ZNF423: variants seen among roughly 807,000 people sequenced by gnomAD.
ZNF423 encodes Ebf-associated zinc finger protein.
ZNF423 carries 12 observed loss-of-function variants against 95.8 expected under a neutral mutation model. The observed-to-expected ratio is 0.13, with a 90% confidence interval of 0.08 to 0.20. The LOEUF (loss-of-function observed/expected upper bound fraction) is 0.20, where lower values mean the gene tolerates loss of function less well. Among genes scored for constraint, ZNF423 ranks in the 10% least tolerant of loss-of-function variants. The pLI is 1.00. For missense variants in ZNF423, 1,316 were observed against 1,737.1 expected (o/e 0.76, Z 4.31); for synonymous variants, 749 against 711.9 (o/e 1.05, Z -0.83).
intron 3 of ZNF423, among the ~76,000 whole-genome samples, chr16:49,671,621 C>T (rs2030813455): frequency 6.6e-6 from 1 of 152,196 alleles, no homozygotes; most frequent in African/African-American, 2.4e-5. Context: ...GGTGATGGCT[C>T]CACCTAATGT....
At chr16:49,775,159 A>T (rs2034100463) in intron 2 of ZNF423, among the ~76,000 whole-genome samples, 1 of 152,110 alleles carries the variant, frequency 6.6e-6, no homozygotes, top group Non-Finnish European at 1.5e-5. Context: ...TGAAGAAGGA[A>T]CTCTAAGAAA....
intron 3 of ZNF423, 135 bp from the exon 4 acceptor site, chr16:49,639,009 GGCAGGGGCCGGAA>G (rs1298595458): frequency 7.0e-7 from 1 of 1,438,520 alleles, no homozygotes; most frequent in African/African-American, 1.4e-5. Context: ...TGTGGGGAGG[GGCAGGGGCCGGAA>G]GCAAGTGGAC....
chr16:49,605,626 A>G (rs553920324), intron 5 of ZNF423, among the ~76,000 whole-genome samples: 35 of 152,188 alleles, frequency 2.3e-4, no homozygotes, highest in South Asian at 8.3e-4. Flanking sequence ...GAGAATTAAA[A>G]TACTATTTTT....
intron 3 of ZNF423, among the ~76,000 whole-genome samples, chr16:49,646,380 C>T (rs1973168449): frequency 6.6e-6 from 1 of 152,110 alleles, no homozygotes; most frequent in African/African-American, 2.4e-5. Flanking sequence ...GATGCCAGAA[C>T]TAGCCATCCA....
chr16:49,691,903 C>G (rs2031796744), intron 3 of ZNF423, among the ~76,000 whole-genome samples: 1 of 152,020 alleles, frequency 6.6e-6, no homozygotes, highest in Non-Finnish European at 1.5e-5. Context: ...GCTGTGGCCC[C>G]CTATCCCTAC....
chr16:49,685,199 C>T (rs2031517886), intron 3 of ZNF423, among the ~76,000 whole-genome samples: 1 of 152,184 alleles, frequency 6.6e-6, no homozygotes, highest in Admixed American at 6.5e-5. Context: ...GAGGAGGAGG[C>T]AGCCCAGGGC....
intron 1 of ZNF423, among the ~76,000 whole-genome samples, chr16:49,799,068 G>A (rs1330927451): frequency 2.0e-5 from 3 of 152,292 alleles, no homozygotes; most frequent in African/African-American, 7.2e-5. Context: ...ATGTAGGGGT[G>A]TGGGAAGTGG....
At chr16:49,831,540 C>T (rs1320470640) in intron 1 of ZNF423, among the ~76,000 whole-genome samples, 2 of 152,150 alleles carry the variant, frequency 1.3e-5, no homozygotes, top group Non-Finnish European at 1.5e-5. Flanking sequence ...GCTGTGAGAA[C>T]AGCATGAGAC....
intron 1 of ZNF423, among the ~76,000 whole-genome samples, chr16:49,793,556 C>T (rs1183281989): frequency 6.6e-6 from 1 of 152,206 alleles, no homozygotes; most frequent in Non-Finnish European, 1.5e-5. Flanking sequence ...CCCACCCTAC[C>T]CCACTTCAAG....
chr16:49,661,102 T>A (rs943375052), intron 3 of ZNF423, among the ~76,000 whole-genome samples: 4 of 151,324 alleles, frequency 2.6e-5, no homozygotes, highest in African/African-American at 9.7e-5. Flanking sequence ...GCGCCTGTAA[T>A]CCCAGCTACT....
chr16:49,593,438 A>C (rs1217009699), intron 5 of ZNF423, among the ~76,000 whole-genome samples: 1 of 151,968 alleles, frequency 6.6e-6, no homozygotes, highest in Non-Finnish European at 1.5e-5. Context: ...TTGTCTCAAA[A>C]AAAAAAAAAT....
intron 7 of ZNF423, among the ~76,000 whole-genome samples, chr16:49,507,570 G>A (rs1967695732): frequency 6.6e-6 from 1 of 152,214 alleles, no homozygotes; most frequent in Non-Finnish European, 1.5e-5. Context: ...TGTGCAGGAA[G>A]CAGAGAGCCT....
chr16:49,635,802 C>A lies in ZNF423; in HGVS notation c.3374G>T (p.Cys1125Phe). Reference sequence around the variant, plus strand: ...GCACTCGGGGCAACGGAGGCCGGCACAGGGCCGGTCGGCGGGCTCGGGCGG... The same window carrying A: ...GCACTCGGGGCAACGGAGGCCGGCAAAGGGCCGGTCGGCGGGCTCGGGCGG... Reference protein sequence around the residue: ...LAPPEPADRPCAGLRCPECSV... With the variant: ...LAPPEPADRPFAGLRCPECSV... The change falls in exon 4 of 8, where the codon TGT becomes TTT. Residue 1125 changes from cysteine to phenylalanine, a missense_variant. Cys to Phe is a radical substitution (Grantham distance 205). Transcript: ENST00000563137. The surrounding 1 kb of genome is among the most constrained non-coding windows in gnomAD (Gnocchi z 4.8). 2 of 1,611,470 alleles carry A rather than the reference C, an allele frequency of 1.2e-6. No individual in the cohort carries two copies. Among genetic ancestry groups the A allele is most frequent in the Non-Finnish European group, 1.7e-6 (2 of 1,179,318 alleles).
chr16:49,605,045 C>T (rs978690903), intron 5 of ZNF423, among the ~76,000 whole-genome samples: 8 of 152,218 alleles, frequency 5.3e-5, no homozygotes, highest in African/African-American at 1.9e-4. Context: ...CCCATAACAG[C>T]CCACTCTTCT....
intron 1 of ZNF423, among the ~76,000 whole-genome samples, chr16:49,838,273 TC>T (rs1052014147): frequency 2.0e-5 from 3 of 152,192 alleles, no homozygotes; most frequent in African/African-American, 7.2e-5. Flanking sequence ...CTGGAGTGCC[TC>T]CGTTCAAATC....
intron 3 of ZNF423, among the ~76,000 whole-genome samples, chr16:49,687,373 C>T (rs970052426): frequency 1.3e-5 from 2 of 152,184 alleles, no homozygotes; most frequent in Admixed American, 1.3e-4. Context: ...CCTGTCCCCA[C>T]CTACCCCTGG....
intron 1 of ZNF423, chr16:49,854,471 T>G: frequency 3.0e-6 from 3 of 985,392 alleles, no homozygotes; most frequent in Non-Finnish European, 3.6e-6. Flanking sequence ...CGCGCAGGCC[T>G]CCAGGAAATG....
intron 2 of ZNF423, among the ~76,000 whole-genome samples, chr16:49,762,300 G>A (rs1428382783): frequency 2.0e-5 from 3 of 152,130 alleles, no homozygotes; most frequent in Admixed American, 6.6e-5. Context: ...AGAAGGAAGT[G>A]GGCCTCCACT....
Position 49,636,633 on chromosome 16 carries a change from C to T in ZNF423, c.2543G>A (p.Gly848Asp). 6.2e-7 allele frequency: 1 copy of T among 1,613,986 alleles called. No individual in the cohort carries two copies. Among genetic ancestry groups the T allele is most frequent in the Non-Finnish European group, 8.5e-7 (1 of 1,179,976 alleles). ...CATTGGGGGTACCCCATTGGCCGTG[C>T]CGTTCTCGGTCGCAGCATCAAACAC... Reference protein sequence around the residue: ...HCVFDAATENGTANGVPPMAT... With the variant: ...HCVFDAATENDTANGVPPMAT... Residue 848 changes from glycine to aspartate, a missense_variant, in exon 4 of 8, where the codon GGC becomes GAC. Transcript: ENST00000563137. This position sits in a 1 kb window ranked among gnomAD's most constrained non-coding sequence, Gnocchi z 8.6.
Sources: gnomAD v4.1 joint callset for allele counts (sites outside exome capture counted in the v4.1 genomes callset) on GRCh38, gnomAD v4.1.1 for gene constraint, Gnocchi (gnomAD v3.1) non-coding constraint, MANE v1.5 for transcripts, NCBI Gene and HGNC (gene_info 2026-07-23, HGNC 2026-07-21) for gene names.